The following KCNIP4 variants were observed in gnomAD, a reference collection of about 807,000 sequenced individuals.
KCNIP4 encodes the protein Kv channel-interacting protein 4.
Under a neutral mutation model 34.0 loss-of-function variants are expected in KCNIP4, and 12 were observed. That is an observed-to-expected ratio of 0.35 (90% confidence interval 0.23 to 0.57). The LOEUF (loss-of-function observed/expected upper bound fraction) is 0.57, where lower values mean the gene tolerates loss of function less well. KCNIP4 is among the 20% of genes least tolerant of loss of function. The pLI, the probability that KCNIP4 is intolerant of heterozygous loss-of-function variation, is 0.83. For missense variants in KCNIP4, 238 were observed against 311.7 expected (o/e 0.76, Z 1.78); for synonymous variants, 124 against 102.2 (o/e 1.21, Z -1.29).
At chr4:21,358,085 C>T (rs750003130) in intron 1 of KCNIP4, among the ~76,000 whole-genome samples, 10 of 151,988 alleles carry the variant, frequency 6.6e-5, no homozygotes, top group East Asian at 1.9e-4. Flanking sequence ...AATCAAACAC[C>T]GCCTGTTCTC....
At chr4:21,902,406 A>G (rs1156538349) in intron 1 of KCNIP4, among the ~76,000 whole-genome samples, 1 of 152,136 alleles carries the variant, frequency 6.6e-6, no homozygotes, top group Non-Finnish European at 1.5e-5. Context: ...AAAACAAAGT[A>G]AATAAATCCA....
At chr4:21,700,814 TG>T (rs1054577672) in intron 1 of KCNIP4, among the ~76,000 whole-genome samples, 5 of 152,182 alleles carry the variant, frequency 3.3e-5, no homozygotes, top group African/African-American at 1.2e-4. Context: ...CTTCTACATA[TG>T]GTTATCCAGT....
intron 1 of KCNIP4, among the ~76,000 whole-genome samples, chr4:21,244,253 AT>A (rs1171135122): frequency 1.3e-5 from 2 of 152,104 alleles, no homozygotes; most frequent in Non-Finnish European, 2.9e-5. Context: ...CAAACATTTC[AT>A]TTTTCTTGCT....
At chr4:21,107,879 G>A (rs1285834789) in intron 1 of KCNIP4, among the ~76,000 whole-genome samples, 3 of 151,228 alleles carry the variant, frequency 2.0e-5, no homozygotes, top group Non-Finnish European at 4.4e-5. Flanking sequence ...GGCTGGATAT[G>A]AAATTCTGGG....
chr4:21,508,552 C>T (rs1422972762), intron 1 of KCNIP4, among the ~76,000 whole-genome samples: 10 of 152,180 alleles, frequency 6.6e-5, no homozygotes, highest in South Asian at 6.2e-4. Context: ...AGATTAGCTA[C>T]GTATCTAATT....
chr4:21,152,573 G>C (rs1049844329), intron 1 of KCNIP4, among the ~76,000 whole-genome samples: 5 of 151,248 alleles, frequency 3.3e-5, no homozygotes, highest in Admixed American at 6.6e-5. Flanking sequence ...ATACTGTATA[G>C]GCTTGTCTGC....
intron 1 of KCNIP4, among the ~76,000 whole-genome samples, chr4:21,487,124 A>T (rs922060957): frequency 1.3e-5 from 2 of 151,936 alleles, no homozygotes; most frequent in African/African-American, 4.8e-5. Context: ...ATATTTATTA[A>T]CTTTTTCTCT....
intron 1 of KCNIP4, among the ~76,000 whole-genome samples, chr4:21,192,960 A>T (rs1350651318): frequency 9.0e-6 from 1 of 111,488 alleles, no homozygotes; most frequent in South Asian, 3.6e-4. Flanking sequence ...TACTAATAAT[A>T]ATAATAATTA....
At chr4:21,450,348 A>T (rs1441626748) in intron 1 of KCNIP4, among the ~76,000 whole-genome samples, 2 of 152,184 alleles carry the variant, frequency 1.3e-5, no homozygotes, top group East Asian at 3.8e-4. Context: ...ATTCATATTT[A>T]TGTAAAGAGA....
intron 1 of KCNIP4, among the ~76,000 whole-genome samples, chr4:21,518,044 C>A (rs1330345483): frequency 1.3e-5 from 2 of 152,138 alleles, no homozygotes; most frequent in African/African-American, 2.4e-5. Flanking sequence ...GGTCATACTG[C>A]TAGTAAGAAT....
At chr4:21,686,467 T>A (rs562848372) in intron 1 of KCNIP4, among the ~76,000 whole-genome samples, 2 of 152,202 alleles carry the variant, frequency 1.3e-5, no homozygotes, top group Non-Finnish European at 2.9e-5. Context: ...GATATAACTA[T>A]GTATTTTTTA....
intron 1 of KCNIP4, among the ~76,000 whole-genome samples, chr4:21,227,795 G>C (rs1758509385): frequency 6.6e-6 from 1 of 152,138 alleles, no homozygotes; most frequent in Admixed American, 6.5e-5. Flanking sequence ...GGTTCAGAAA[G>C]GATTCAGATA....
rs548181356 is a variant in KCNIP4, at chr4:21,196,057, T to C, written c.62-313348A>G. Among the ~76,000 whole-genome samples the C allele has an allele frequency of 4.3e-4, 66 of 152,350 alleles. 1 individual carries two copies. Among genetic ancestry groups the C allele is most frequent in the Non-Finnish European group, 7.8e-4 (53 of 68,030 alleles). On this transcript the variant is annotated intron_variant, in intron 1 of 8. Transcript: ENST00000382152. ...ATTTCTTACAACAAAAACTTTGCTC[T>C]GGAGGCATGGACTTCTTAAAGAATT...
At position 21,676,139 on chromosome 4, in the gene KCNIP4, G is replaced by A. The variant is rs146876774; in HGVS notation, c.61+272432C>T. 3.6e-3 allele frequency among the ~76,000 whole-genome samples: 548 copies of A among 152,280 alleles called. 1 individual carries two copies. Among genetic ancestry groups the A allele is most frequent in the Middle Eastern group, 0.01 (3 of 294 alleles). On this transcript the variant is annotated intron_variant, in intron 1 of 8. Transcript: ENST00000382152. ...TGGAGCGTCACTGTGTCCCTTTCTAGAGTATGACTGCCTTCACCAGCTGTT... is the reference window on the plus strand; with the variant it reads ...TGGAGCGTCACTGTGTCCCTTTCTAAAGTATGACTGCCTTCACCAGCTGTT...
At chr4:20,917,276 C>T (rs1370311976) in intron 1 of KCNIP4, among the ~76,000 whole-genome samples, 1 of 151,816 alleles carries the variant, frequency 6.6e-6, no homozygotes, top group Non-Finnish European at 1.5e-5. Flanking sequence ...TATCCACCTA[C>T]CTCGGCCTCC....
chr4:20,778,936 A>G (rs1188332150), intron 3 of KCNIP4, among the ~76,000 whole-genome samples: 1 of 152,080 alleles, frequency 6.6e-6, no homozygotes, highest in African/African-American at 2.4e-5. Flanking sequence ...TTTAAGGGTG[A>G]ATGAGACTTG....
chr4:20,911,277 T>C (rs1462107152), intron 1 of KCNIP4, among the ~76,000 whole-genome samples: 1 of 152,188 alleles, frequency 6.6e-6, no homozygotes. Context: ...ATGAATATTA[T>C]TCAATAAGTG....
chr4:21,029,939 T>C (rs970773990), intron 1 of KCNIP4, among the ~76,000 whole-genome samples: 6 of 152,228 alleles, frequency 3.9e-5, no homozygotes, highest in African/African-American at 1.2e-4. Flanking sequence ...GTTTCTTCTA[T>C]GTCCAAAACA....
At chr4:21,375,887 G>A (rs995322142) in intron 1 of KCNIP4, among the ~76,000 whole-genome samples, 1 of 152,020 alleles carries the variant, frequency 6.6e-6, no homozygotes, top group African/African-American at 2.4e-5. Flanking sequence ...TACCCTTTTT[G>A]ATACAGTTGT....
Sources: gnomAD v4.1 joint callset for allele counts (sites outside exome capture counted in the v4.1 genomes callset) on GRCh38, gnomAD v4.1.1 for gene constraint, MANE v1.5 for transcripts, NCBI Gene and HGNC (gene_info 2026-07-23, HGNC 2026-07-21) for gene names.